CCDC33: variants seen among roughly 807,000 people sequenced by gnomAD.
The protein encoded by CCDC33 is coiled-coil domain-containing protein 33.
Under a neutral mutation model 91.9 loss-of-function variants are expected in CCDC33, and 94 were observed. The observed-to-expected ratio is 1.02, with a 90% CI of 0.87 to 1.21. The LOEUF (loss-of-function observed/expected upper bound fraction) is 1.21. CCDC33 is among the 50% of genes most tolerant of loss of function. The pLI is 0.00. For synonymous variants in CCDC33, 396 were observed against 374.5 expected, an observed-to-expected ratio of 1.06 and a Z score of -0.66; for missense variants, 940 against 935.5, an observed-to-expected ratio of 1.00 and a Z score of -0.06.
intron 11 of CCDC33, among the ~76,000 whole-genome samples, chr15:74,329,044 T>C (rs916337984): frequency 1.3e-5 from 2 of 152,214 alleles, no homozygotes; most frequent in Non-Finnish European, 2.9e-5. Flanking sequence ...CACTGCACGA[T>C]CCTTTTCTAT....
At chr15:74,253,969 C>T (rs563776562) in intron 2 of CCDC33, among the ~76,000 whole-genome samples, 98 of 152,212 alleles carry the variant, frequency 6.4e-4, no homozygotes, top group African/African-American at 2.3e-3. Flanking sequence ...CCCACCTTGG[C>T]CTCACAAAGT....
chr15:74,267,308 T>C (rs527827982), intron 4 of CCDC33, among the ~76,000 whole-genome samples: 2 of 152,296 alleles, frequency 1.3e-5, no homozygotes, highest in Admixed American at 6.5e-5. Context: ...GCCAGTTCCT[T>C]CTGAGCTGCC....
intron 12 of CCDC33, 146 bp downstream of exon 12, chr15:74,330,500 C>T: frequency 1.8e-6 from 2 of 1,130,930 alleles, no homozygotes; most frequent in Non-Finnish European, 2.5e-6. Flanking sequence ...CAGACACTCA[C>T]ACAGTCCCTG....
intron 4 of CCDC33, among the ~76,000 whole-genome samples, chr15:74,267,392 C>T (rs2076194149): frequency 6.6e-6 from 1 of 152,210 alleles, no homozygotes; most frequent in Non-Finnish European, 1.5e-5. Flanking sequence ...CTGGAATGCA[C>T]CCCTGGAGTG....
chr15:74,331,001 G>A lies in CCDC33; in HGVS notation c.1566G>A (p.Glu522=). 2 of 1,600,522 alleles carry A rather than the reference G, an allele frequency of 1.2e-6. No individual in the cohort carries two copies. The highest frequency in any genetic ancestry group is 2.2e-5 in the East Asian group (1 of 44,728). Residue 522 remains glutamate (E), a synonymous_variant, in exon 14 of 19, where the codon GAG becomes GAA. Transcript: ENST00000398814. ...CACAGAAGAATGATCGAGAGAAGGA[G>A]CTGCTCCTTCTGTATCAGGCCCAGC... ...ELIRKNDREK[E]LLLLYQAQQP...
At chr15:74,310,130 G>T (rs565577726) in intron 11 of CCDC33, among the ~76,000 whole-genome samples, 1 of 152,042 alleles carries the variant, frequency 6.6e-6, no homozygotes, top group Admixed American at 6.6e-5. Flanking sequence ...ACTCCAGCCC[G>T]GATGACAGAG....
chr15:74,283,473 G>A (rs893684705), intron 10 of CCDC33, among the ~76,000 whole-genome samples: 1 of 152,230 alleles, frequency 6.6e-6, no homozygotes, highest in Non-Finnish European at 1.5e-5. Context: ...CAGGGGCTGG[G>A]CACAAAGGTC....
chr15:74,262,373 C>A, intron 2 of CCDC33, 67 bp from the exon 3 acceptor site: 2 of 1,591,902 alleles, frequency 1.3e-6, no homozygotes, highest in Admixed American at 1.7e-5. Context: ...GACAGTGGAG[C>A]CTGGGATGGG....
chr15:74,269,025 A>G (rs1463339773), intron 5 of CCDC33, among the ~76,000 whole-genome samples: 1 of 152,246 alleles, frequency 6.6e-6, no homozygotes, highest in Non-Finnish European at 1.5e-5. Flanking sequence ...CTCTTCCATT[A>G]GCCAGGACAG....
chr15:74,321,508 A>G (rs1437733685), intron 11 of CCDC33, among the ~76,000 whole-genome samples: 1 of 151,508 alleles, frequency 6.6e-6, no homozygotes, highest in Non-Finnish European at 1.5e-5. Flanking sequence ...CAGGTGATCC[A>G]CCTCCCTTAG....
intron 8 of CCDC33, 139 bp from the exon 9 acceptor site, chr15:74,280,526 TGAG>T (rs2059338805): frequency 2.2e-6 from 2 of 913,026 alleles, no homozygotes; most frequent in Non-Finnish European, 3.2e-6. Context: ...GCCCTGAAGA[TGAG>T]AAGAGGATGT....
chr15:74,238,979 G>A (rs755652301), intron 1 of CCDC33, among the ~76,000 whole-genome samples: 19 of 152,192 alleles, frequency 1.2e-4, no homozygotes, highest in Non-Finnish European at 2.5e-4. Flanking sequence ...TCCCCTGGCC[G>A]CCATAACTCT....
chr15:74,207,471 C>T (rs1232183812), intron 1 of CCDC33, among the ~76,000 whole-genome samples: 1 of 152,146 alleles, frequency 6.6e-6, no homozygotes, highest in Non-Finnish European at 1.5e-5. Flanking sequence ...TCTGGCAAAT[C>T]AACCACAGAT....
At chr15:74,254,686 C>T (rs1237540028) in intron 2 of CCDC33, among the ~76,000 whole-genome samples, 3 of 151,960 alleles carry the variant, frequency 2.0e-5, no homozygotes, top group Non-Finnish European at 4.4e-5. Flanking sequence ...CAGTACCCTG[C>T]GAATGTCAAT....
chr15:74,237,606 C>T (rs910457869), intron 1 of CCDC33, among the ~76,000 whole-genome samples: 5 of 152,136 alleles, frequency 3.3e-5, no homozygotes, highest in African/African-American at 1.2e-4. Context: ...GTTCTCTGCC[C>T]ACAGCTGCCC....
intron 3 of CCDC33, among the ~76,000 whole-genome samples, chr15:74,265,312 C>T (rs1365532862): frequency 2.0e-5 from 3 of 152,198 alleles, no homozygotes; most frequent in Non-Finnish European, 4.4e-5. Context: ...CACACCCCTC[C>T]GCCCCATCCT....
intron 11 of CCDC33, among the ~76,000 whole-genome samples, chr15:74,317,702 A>G (rs997037906): frequency 6.6e-6 from 1 of 152,168 alleles, no homozygotes; most frequent in African/African-American, 2.4e-5. Flanking sequence ...CCTATCATGA[A>G]AGCCTTTGGG....
intron 11 of CCDC33, among the ~76,000 whole-genome samples, chr15:74,317,706 C>G (rs1476239393): frequency 6.6e-6 from 1 of 152,168 alleles, no homozygotes; most frequent in Non-Finnish European, 1.5e-5. Context: ...TCATGAAAGC[C>G]TTTGGGACCA....
chr15:74,225,239 G>A lies in CCDC33; in HGVS notation c.675+6378G>A, dbSNP rs1043839274. On this transcript the variant is annotated intron_variant, in intron 2 of 2. Transcript: ENST00000635913. ...CCCAACCAGACCAGCCCCAGCCCCA[G>A]TGAGCAGCTGATGGGCTCCAGGGAA... 5.3e-5 allele frequency among the ~76,000 whole-genome samples: 8 copies of A among 151,968 alleles called. No individual in the cohort carries two copies. In the South Asian group the frequency reaches 8.3e-4, roughly 16 times the overall value.
Sources: allele counts gnomAD v4.1 joint callset (sites outside exome capture counted in the v4.1 genomes callset), GRCh38; gene constraint gnomAD v4.1.1; transcripts MANE v1.5; gene names NCBI Gene and HGNC (gene_info 2026-07-23, HGNC 2026-07-21).